The following SOS1 variants were observed in gnomAD, a reference collection of about 807,000 sequenced individuals.
SOS1 encodes SOS Ras/Rac guanine nucleotide exchange factor 1.
SOS1 carries 25 observed loss-of-function variants against 157.6 expected under a neutral mutation model. The ratio of observed to expected loss-of-function variants is 0.16; its 90% CI spans 0.12 to 0.22. The LOEUF is 0.22. Ranked by LOEUF, SOS1 falls within the 10% of genes least tolerant of loss-of-function variation. The probability of loss-of-function intolerance (pLI) is 1.00; values close to 1 mark genes in which losing one functional copy is unlikely to be tolerated. For synonymous variants in SOS1, 528 were observed against 534.0 expected (o/e 0.99, Z 0.16); for missense variants, 1,237 against 1,599.1 (o/e 0.77, Z 3.86).
intron 21 of SOS1, among the ~76,000 whole-genome samples, chr2:38,988,450 GA>G (rs1340247904): frequency 2.0e-5 from 3 of 151,892 alleles, no homozygotes; most frequent in African/African-American, 4.8e-5. Context: ...AAAAAGATGT[GA>G]AAAAAATACT....
At chr2:39,111,010 A>C (rs1442129394) in intron 1 of SOS1, among the ~76,000 whole-genome samples, 1 of 152,244 alleles carries the variant, frequency 6.6e-6, no homozygotes, top group Non-Finnish European at 1.5e-5. Flanking sequence ...AGGCAGGTGG[A>C]TCACCTGAGG....
intron 10 of SOS1, among the ~76,000 whole-genome samples, chr2:39,016,628 G>A (rs1377178447): frequency 6.6e-6 from 1 of 152,086 alleles, no homozygotes; most frequent in Non-Finnish European, 1.5e-5. Context: ...ATGCTGAGTT[G>A]TCACTGCTGG....
chr2:39,020,431 T>C (rs1396562886), intron 10 of SOS1, among the ~76,000 whole-genome samples: 1 of 151,790 alleles, frequency 6.6e-6, no homozygotes, highest in Non-Finnish European at 1.5e-5. Context: ...TGTCTTTTAT[T>C]ACAATTCTAT....
Position 38,983,819 on chromosome 2 carries a change from G to A in SOS1, c.*2005C>T, listed in dbSNP as rs968796111. 6.6e-6 allele frequency: 1 copy of A among 152,100 alleles called. No homozygotes were observed. The highest frequency in any genetic ancestry group is 2.4e-5 in the African/African-American group (1 of 41,432). 9.4% of individuals were successfully genotyped at this position (152,100 alleles called of 1,614,324 possible). On this transcript the variant is annotated 3_prime_UTR_variant, in exon 23 of 23. Coordinates refer to ENST00000402219, the MANE Select transcript of SOS1 (RefSeq NM_005633.4). ...TTGGCTCACATAAATACTGTTGAATGGATGGTCTTAGGGACACTTTGCATC... is the reference window on the plus strand; with the variant it reads ...TTGGCTCACATAAATACTGTTGAATAGATGGTCTTAGGGACACTTTGCATC...
intron 8 of SOS1, among the ~76,000 whole-genome samples, chr2:39,029,015 G>A (rs1262354850): frequency 6.6e-6 from 1 of 152,182 alleles, no homozygotes; most frequent in Non-Finnish European, 1.5e-5. Context: ...ACTAACTGCT[G>A]TGTAATTCAA....
In SOS1 at chr2:39,092,774, G is replaced by A. The variant is rs139447721; in HGVS notation, c.88-25021C>T. Among the ~76,000 whole-genome samples the A allele has an allele frequency of 2.2e-3, 335 of 152,246 alleles. 1 individual carries two copies. Among genetic ancestry groups the A allele is most frequent in the African/African-American group, 7.6e-3 (317 of 41,566 alleles). On this transcript the variant is annotated intron_variant, in intron 1 of 22. Transcript: ENST00000402219. Reference sequence around the variant, plus strand: ...ACAAAACTAAAAGAAATCTGAAAGCGTGATATGAAATAAAATATCTTCAAA... The same window carrying A: ...ACAAAACTAAAAGAAATCTGAAAGCATGATATGAAATAAAATATCTTCAAA...
At chr2:39,008,095 CCTGCTGCCTGTTG>C (rs1669338506) in intron 15 of SOS1, among the ~76,000 whole-genome samples, 1 of 152,156 alleles carries the variant, frequency 6.6e-6, no homozygotes, top group African/African-American at 2.4e-5. Flanking sequence ...TCATCCTGTC[CCTGCTGCCTGTTG>C]CTGAGGCCAA....
chr2:39,025,028 C>G (rs1317695166), intron 8 of SOS1, among the ~76,000 whole-genome samples: 1 of 152,156 alleles, frequency 6.6e-6, no homozygotes, highest in African/African-American at 2.4e-5. Flanking sequence ...ATGATTCAAG[C>G]AAGCACTTAA....
intron 20 of SOS1, among the ~76,000 whole-genome samples, chr2:38,991,688 T>C (rs893186673): frequency 1.1e-4 from 16 of 152,200 alleles, no homozygotes; most frequent in African/African-American, 3.9e-4. Context: ...ATGACCACTC[T>C]TGCTCATTCT....
chr2:39,089,469 T>C (rs1438176068), intron 1 of SOS1, among the ~76,000 whole-genome samples: 1 of 147,802 alleles, frequency 6.8e-6, no homozygotes, highest in Non-Finnish European at 1.5e-5. Flanking sequence ...GAGGTGGAGG[T>C]TGCAGTGAGC....
chr2:39,092,773 C>T (rs569267355), intron 1 of SOS1, among the ~76,000 whole-genome samples: 1 of 152,072 alleles, frequency 6.6e-6, no homozygotes, highest in African/African-American at 2.4e-5. Flanking sequence ...AATCTGAAAG[C>T]GTGATATGAA....
At chr2:39,041,318 C>T (rs1670560201) in intron 6 of SOS1, among the ~76,000 whole-genome samples, 1 of 152,200 alleles carries the variant, frequency 6.6e-6, no homozygotes, top group African/African-American at 2.4e-5. Context: ...TGATGTTGAG[C>T]ATTTTTTAAT....
chr2:39,051,150 T>C lies in SOS1; in HGVS notation c.858A>G (p.Leu286=). ...ATATAATTGAAGTACTTACCTCTGC[T>C]AAGTCTTCAAAGCAGCTTCCTACTA... is the stretch of plus-strand genomic sequence containing the variant. The part of the protein sequence containing the change: ...HPLVGSCFED[L]AEELAFDPYE... The change falls in exon 6 of 23, where the codon TTA becomes TTG. Residue 286 remains leucine, a synonymous_variant. Coordinates refer to ENST00000402219, the MANE Select transcript of SOS1 (RefSeq NM_005633.4). The C allele has an allele frequency of 6.2e-7, 1 of 1,613,724 alleles. No homozygotes were observed. The highest frequency in any genetic ancestry group is 8.5e-7 in the Non-Finnish European group (1 of 1,179,690).
At chr2:39,006,890 A>C (rs940626879) in intron 16 of SOS1, 141 bp downstream of exon 16, 2 of 685,816 alleles carry the variant, frequency 2.9e-6, no homozygotes, top group Non-Finnish European at 5.1e-6. Flanking sequence ...AATTCATTAC[A>C]AAACTTAGAT....
Position 39,067,616 on chromosome 2 carries a change from C to T in SOS1, c.213+12G>A. 6.2e-7 allele frequency: 1 copy of T among 1,611,102 alleles called. No homozygotes were observed. The highest frequency in any genetic ancestry group is 8.5e-7 in the Non-Finnish European group (1 of 1,177,384). ...TAGATATAAAGTAAATACAAGACAACATTTGTCATACCTCTACATCTGAAG... is the reference window on the plus strand; with the variant it reads ...TAGATATAAAGTAAATACAAGACAATATTTGTCATACCTCTACATCTGAAG... On this transcript the variant is annotated intron_variant, in intron 2 of 22. Coordinates refer to ENST00000402219, the MANE Select transcript of SOS1 (RefSeq NM_005633.4).
chr2:39,031,877 T>G (rs1337312920), intron 8 of SOS1, among the ~76,000 whole-genome samples: 1 of 152,218 alleles, frequency 6.6e-6, no homozygotes, highest in Non-Finnish European at 1.5e-5. Flanking sequence ...AAAGGAAGTT[T>G]TTTTACTTCA....
chr2:39,052,854 T>A (rs912602401), intron 5 of SOS1, among the ~76,000 whole-genome samples: 3 of 152,182 alleles, frequency 2.0e-5, no homozygotes, highest in African/African-American at 7.2e-5. Flanking sequence ...TTTATTGTTA[T>A]AAAGAACTGC....
chr2:39,061,365 C>T (rs557239712), intron 2 of SOS1, among the ~76,000 whole-genome samples: 119 of 151,346 alleles, frequency 7.9e-4, no homozygotes, highest in African/African-American at 2.9e-3. Context: ...ATTTCTTTCA[C>T]AAACACTTTA....
chr2:39,002,964 T>C (rs1159587424), intron 17 of SOS1, among the ~76,000 whole-genome samples: 1 of 151,540 alleles, frequency 6.6e-6, no homozygotes, highest in Non-Finnish European at 1.5e-5. Flanking sequence ...ACTTGGGGGA[T>C]TGAGGCGGGA....
Sources: allele counts gnomAD v4.1 joint callset (sites outside exome capture counted in the v4.1 genomes callset), GRCh38; gene constraint gnomAD v4.1.1; transcripts MANE v1.5; gene names NCBI Gene and HGNC (gene_info 2026-07-23, HGNC 2026-07-21).